Variants in ALKBH3 observed in about 807,000 individuals in gnomAD.
ALKBH3 encodes the protein alpha-ketoglutarate-dependent dioxygenase alkB homolog 3.
ALKBH3 carries 51 observed loss-of-function variants against 43.9 expected under a neutral mutation model. That is an observed-to-expected ratio of 1.16 (90% CI 0.93 to 1.47). The LOEUF is 1.47. ALKBH3 is among the 40% of genes most tolerant of loss of function. ALKBH3 has a pLI of 0.00. For synonymous variants in ALKBH3, 102 were observed against 115.2 expected, an observed-to-expected ratio of 0.89 and a Z score of 0.73; for missense variants, 361 against 351.9, an observed-to-expected ratio of 1.03 and a Z score of -0.21.
At chr11:43,895,307 G>A (rs185903294) in intron 7 of ALKBH3, among the ~76,000 whole-genome samples, 19 of 152,298 alleles carry the variant, frequency 1.2e-4, no homozygotes, top group African/African-American at 4.3e-4. Flanking sequence ...ATTGAATCAT[G>A]GGGGCATTTT....
chr11:43,913,396 C>T (rs1565130141), intron 8 of ALKBH3, among the ~76,000 whole-genome samples: 1 of 152,030 alleles, frequency 6.6e-6, no homozygotes, highest in Non-Finnish European at 1.5e-5. Flanking sequence ...TTTGAAAGAC[C>T]TAGATATACT....
intron 8 of ALKBH3, chr11:43,912,357 T>G (rs2135202922): frequency 6.6e-6 from 1 of 152,338 alleles, no homozygotes; most frequent in Admixed American, 6.5e-5. Context: ...AGTTATCTCT[T>G]TGCTTTCCCC....
chr11:43,889,233 C>T (rs528530787), intron 5 of ALKBH3, among the ~76,000 whole-genome samples: 1 of 152,312 alleles, frequency 6.6e-6, no homozygotes, highest in African/African-American at 2.4e-5. Flanking sequence ...CCATGTTGGT[C>T]AGGCTGGTCT....
intron 8 of ALKBH3, among the ~76,000 whole-genome samples, chr11:43,918,371 C>T (rs1232795400): frequency 1.3e-5 from 2 of 152,194 alleles, no homozygotes; most frequent in Admixed American, 6.5e-5. Context: ...CGTGATCCAT[C>T]CTCAAAGATG....
intron 6 of ALKBH3, among the ~76,000 whole-genome samples, chr11:43,890,287 A>G (rs970451679): frequency 2.0e-5 from 3 of 152,084 alleles, no homozygotes. Context: ...AGTCTCCTCT[A>G]GCTTCAGCAT....
chr11:43,887,813 G>C lies in ALKBH3; in HGVS notation c.266+1160G>C, dbSNP rs147587361. On this transcript the variant is annotated intron_variant, in intron 5 of 9. Coordinates refer to ENST00000302708, the MANE Select transcript of ALKBH3 (RefSeq NM_139178.4). ...TTTTTTTGTTTTGTGTTTTGAGACA[G>C]AGTCTCACTCTGTCACTCAAGCTGG... is the stretch of plus-strand genomic sequence containing the variant. Among the ~76,000 whole-genome samples, 491 of 150,668 alleles carry C rather than the reference G, an allele frequency of 3.3e-3. 3 individuals are homozygous for C. Among genetic ancestry groups the C allele is most frequent in the African/African-American group, 0.012 (481 of 41,272 alleles).
intron 5 of ALKBH3, among the ~76,000 whole-genome samples, chr11:43,887,913 C>G (rs1395370355): frequency 6.6e-6 from 1 of 151,770 alleles, no homozygotes; most frequent in East Asian, 1.9e-4. Context: ...CTCAGCCTCC[C>G]GAGTAGCTGG....
intron 8 of ALKBH3, among the ~76,000 whole-genome samples, chr11:43,908,134 G>A (rs1951909174): frequency 6.6e-6 from 1 of 152,224 alleles, no homozygotes; most frequent in African/African-American, 2.4e-5. Flanking sequence ...GCCACTGGAT[G>A]GAGAGCCATG....
At chr11:43,898,403 A>G (rs1365983770) in intron 7 of ALKBH3, 2 of 708,812 alleles carry the variant, frequency 2.8e-6, no homozygotes, top group Non-Finnish European at 5.1e-6. Flanking sequence ...GTCCTTCAGA[A>G]TTACTACACG....
At chr11:43,902,371 G>A (rs934765027) in intron 8 of ALKBH3, among the ~76,000 whole-genome samples, 3 of 152,054 alleles carry the variant, frequency 2.0e-5, no homozygotes, top group African/African-American at 2.4e-5. Flanking sequence ...CCACCCCAGC[G>A]CTTACCTCAA....
At chr11:43,885,204 T>C (rs1262143430) in intron 4 of ALKBH3, among the ~76,000 whole-genome samples, 1 of 152,206 alleles carries the variant, frequency 6.6e-6, no homozygotes, top group African/African-American at 2.4e-5. Flanking sequence ...AACTCATTCC[T>C]ACTTGGTCCT....
Position 43,885,667 on chromosome 11 carries a change from A to G in ALKBH3, c.219-939A>G, listed in dbSNP as rs549558858. ...ACAGCTTTATACATTTCCACATTTG[A>G]TTAAATTTAGTAAACCTTTATTGCC... is the stretch of plus-strand genomic sequence containing the variant. On this transcript the variant is annotated intron_variant, in intron 4 of 9. Transcript: ENST00000302708. 2.0e-5 allele frequency among the ~76,000 whole-genome samples: 3 copies of G among 152,340 alleles called. No individual in the cohort carries two copies. In the East Asian group the frequency reaches 5.8e-4, roughly 29 times the overall value.
rs34142483 is a variant in ALKBH3 at position 43,894,184 on chromosome 11, C to G, written c.459+2055C>G. Among the ~76,000 whole-genome samples the G allele has an allele frequency of 7.0e-3, 1,059 of 152,208 alleles. 5 individuals carry two copies. The highest frequency in any genetic ancestry group is 0.011 in the Non-Finnish European group (724 of 68,012). On this transcript the variant is annotated intron_variant, in intron 7 of 9. Coordinates refer to ENST00000302708, the MANE Select transcript of ALKBH3 (RefSeq NM_139178.4). Reference sequence around the variant, plus strand: ...TGTTCAAACTAAATCTCACATGAGCCCAGTGTATAAAACAGATCAGAGCCT... The same window carrying G: ...TGTTCAAACTAAATCTCACATGAGCGCAGTGTATAAAACAGATCAGAGCCT...
chr11:43,895,925 G>A (rs901476409), intron 7 of ALKBH3, among the ~76,000 whole-genome samples: 2 of 152,172 alleles, frequency 1.3e-5, no homozygotes, highest in East Asian at 1.9e-4. Flanking sequence ...TTGAGTATGT[G>A]TCTTCCCAAT....
chr11:43,897,458 G>T, intron 7 of ALKBH3: 1 of 738,110 alleles, frequency 1.4e-6, no homozygotes, highest in South Asian at 1.4e-5. Context: ...TTACAATCAT[G>T]GTGCAAAAAT....
rs1480803753 is a variant in ALKBH3, at chr11:43,897,523, A to G, written c.460-3993A>G. 4.4e-5 allele frequency: 34 copies of G among 765,344 alleles called. No homozygotes were observed. In the East Asian group the frequency reaches 8.0e-4, roughly 18 times the overall value. 47.4% of individuals were successfully genotyped at this position (765,344 alleles called of 1,614,324 possible). A position where few individuals can be genotyped will look rare whatever the true frequency, so the allele number is the denominator to read the frequency against. ...CCCTTCAAATTAATTATGGCTGCCT[A>G]TGAAAGGAGGTTCCCTACGTGTCCT... is the stretch of plus-strand genomic sequence containing the variant. On this transcript the variant is annotated intron_variant, in intron 7 of 9. Transcript: ENST00000302708.
intron 8 of ALKBH3, among the ~76,000 whole-genome samples, chr11:43,910,831 C>T (rs1408090437): frequency 6.6e-6 from 1 of 152,140 alleles, no homozygotes; most frequent in Admixed American, 6.6e-5. Flanking sequence ...TTTGCTCCCT[C>T]TCTTCTGTCC....
At chr11:43,897,456 A>G (rs1590371862) in intron 7 of ALKBH3, 8 of 739,234 alleles carry the variant, frequency 1.1e-5, no homozygotes, top group South Asian at 2.8e-5. Context: ...TATTACAATC[A>G]TGGTGCAAAA....
chr11:43,901,149 A>G (rs1278802214), intron 7 of ALKBH3, among the ~76,000 whole-genome samples: 2 of 152,186 alleles, frequency 1.3e-5, no homozygotes, highest in Non-Finnish European at 2.9e-5. Context: ...TTGCTGCTCC[A>G]CTTACCACCT....
Sources: allele counts gnomAD v4.1 joint callset (sites outside exome capture counted in the v4.1 genomes callset), GRCh38; gene constraint gnomAD v4.1.1; transcripts MANE v1.5; gene names NCBI Gene and HGNC (gene_info 2026-07-23, HGNC 2026-07-21).